The following EBF3 variants were observed in gnomAD, a reference collection of about 807,000 sequenced individuals.
EBF3 encodes the protein transcription factor COE3.
EBF3 carries 18 observed loss-of-function variants against 77.1 expected under a neutral mutation model. That is an observed-to-expected ratio of 0.23 (90% CI 0.16 to 0.35). The LOEUF (loss-of-function observed/expected upper bound fraction) is 0.35, where lower values mean the gene tolerates loss of function less well. Among genes scored for constraint, EBF3 ranks in the 10% least tolerant of loss-of-function variants. The probability of loss-of-function intolerance (pLI) is 1.00; values close to 1 mark genes in which losing one functional copy is unlikely to be tolerated. For synonymous variants in EBF3, 350 were observed against 343.5 expected (o/e 1.02, Z -0.21); for missense variants, 558 against 860.0 (o/e 0.65, Z 4.39).
chr10:129,850,061 A>G (rs1850753942), intron 10 of EBF3, among the ~76,000 whole-genome samples: 1 of 152,262 alleles, frequency 6.6e-6, no homozygotes, highest in African/African-American at 2.4e-5. Context: ...GCCCAGCCTC[A>G]CCAAGCGACT....
At chr10:129,892,371 T>C (rs1854078394) in intron 6 of EBF3, among the ~76,000 whole-genome samples, 2 of 152,224 alleles carry the variant, frequency 1.3e-5, no homozygotes, top group Admixed American at 1.3e-4. Context: ...AATTTCCATA[T>C]AAAACTGTTG....
At chr10:129,930,939 T>C (rs1403851032) in intron 6 of EBF3, among the ~76,000 whole-genome samples, 4 of 150,196 alleles carry the variant, frequency 2.7e-5, no homozygotes, top group African/African-American at 9.8e-5. Flanking sequence ...CATATATCTA[T>C]ATCTATCTTT....
At chr10:129,904,602 GGATA>G (rs762332991) in intron 6 of EBF3, among the ~76,000 whole-genome samples, 14 of 150,798 alleles carry the variant, frequency 9.3e-5, no homozygotes, top group Non-Finnish European at 1.9e-4. Flanking sequence ...ATGGATGGAT[GGATA>G]GACGGATGGC....
chr10:129,899,694 C>G (rs1564870637), intron 6 of EBF3, among the ~76,000 whole-genome samples: 3 of 152,058 alleles, frequency 2.0e-5, no homozygotes, highest in Admixed American at 6.5e-5. Context: ...CTCGCAGAAC[C>G]GGAAAGGACG....
rs556559456 is a variant in EBF3, at chr10:129,906,690, G to A, written c.555-28841C>T. Among the ~76,000 whole-genome samples, 7 of 152,026 alleles carry A rather than the reference G, an allele frequency of 4.6e-5. No individual in the cohort carries two copies. The South Asian group carries it at 6.2e-4, about 14-fold the overall frequency. On this transcript the variant is annotated intron_variant, in intron 6 of 16. Transcript: ENST00000440978. The stretch of plus-strand genomic sequence containing the variant: ...GTGAAAACAAAAACTTGAAAAAAAC[G>A]TCAGGCTAAACCTCAATTGTTTGAT...
At chr10:129,843,112 G>T (rs1850207547) in intron 12 of EBF3, 25 bp downstream of exon 12, 9 of 1,609,410 alleles carry the variant, frequency 5.6e-6, no homozygotes, top group Non-Finnish European at 6.8e-6. Flanking sequence ...GGGAGGATGG[G>T]CGAGGGGAGC....
intron 6 of EBF3, among the ~76,000 whole-genome samples, chr10:129,917,679 A>AAAAAAAAAAAAAAAAAAAAAAAAAAAAAC (rs1564887155): frequency 9.1e-5 from 13 of 142,082 alleles, no homozygotes; most frequent in Non-Finnish European, 1.4e-4. Context: ...AAAAAAAAAA[A>AAAAAAAAAAAAAAAAAAAAAAAAAAAAAC]CTAAAACCAA....
At chr10:129,917,910 T>C (rs1191453426) in intron 6 of EBF3, among the ~76,000 whole-genome samples, 2 of 152,198 alleles carry the variant, frequency 1.3e-5, no homozygotes, top group Admixed American at 6.5e-5. Context: ...AGTAAAATGA[T>C]AATCCTACTG....
chr10:129,838,882 C>T (rs887682982), intron 16 of EBF3, among the ~76,000 whole-genome samples: 1 of 152,246 alleles, frequency 6.6e-6, no homozygotes, highest in Non-Finnish European at 1.5e-5. Context: ...TGCGTACACA[C>T]CGCGTAGGAG....
At chr10:129,896,189 T>C (rs1345524061) in intron 6 of EBF3, among the ~76,000 whole-genome samples, 1 of 152,152 alleles carries the variant, frequency 6.6e-6, no homozygotes, top group Non-Finnish European at 1.5e-5. Flanking sequence ...TTATGATCCA[T>C]CTGAGTTCCC....
intron 10 of EBF3, 65 bp downstream of exon 10, chr10:129,867,076 G>A: frequency 6.4e-7 from 1 of 1,567,584 alleles, no homozygotes; most frequent in Admixed American, 1.9e-5. Context: ...GTGCCCTCAT[G>A]AGCACCTCCT....
intron 9 of EBF3, 142 bp from the exon 10 acceptor site, chr10:129,867,409 C>T: frequency 7.5e-7 from 1 of 1,332,988 alleles, no homozygotes; most frequent in Non-Finnish European, 1.0e-6. Context: ...ACCCAGAGTC[C>T]CGGGACCTAC....
intron 10 of EBF3, among the ~76,000 whole-genome samples, chr10:129,849,353 C>T (rs1240698868): frequency 1.3e-5 from 2 of 152,222 alleles, no homozygotes; most frequent in Non-Finnish European, 2.9e-5. Context: ...AGTCACTCCA[C>T]GGTGCGTGGC....
At chr10:129,850,949 C>T (rs951071051) in intron 10 of EBF3, among the ~76,000 whole-genome samples, 1 of 152,328 alleles carries the variant, frequency 6.6e-6, no homozygotes, top group African/African-American at 2.4e-5. Context: ...GCCCTCCGCA[C>T]GCAGAGTTTA....
Position 129,842,044 on chromosome 10 carries a change from C to T in EBF3, c.1372+72G>A. Reference sequence around the variant, plus strand: ...TCCCCAGCTGGCCCTGGACACGTGCCTCTTCAGCTAAGGCCTCAACCAACC... The same window carrying T: ...TCCCCAGCTGGCCCTGGACACGTGCTTCTTCAGCTAAGGCCTCAACCAACC... On this transcript the variant is annotated intron_variant, in intron 13 of 16. Transcript: ENST00000440978. The surrounding 1 kb of genome is among the most constrained non-coding windows in gnomAD (Gnocchi z 4.4). 6.3e-7 allele frequency: 1 copy of T among 1,595,654 alleles called. No individual in the cohort carries two copies. Among genetic ancestry groups the T allele is most frequent in the Non-Finnish European group, 8.6e-7 (1 of 1,166,994 alleles).
chr10:129,854,601 G>T (rs185832875), intron 10 of EBF3, among the ~76,000 whole-genome samples: 1 of 152,156 alleles, frequency 6.6e-6, no homozygotes, highest in African/African-American at 2.4e-5. Context: ...GAATGAAATC[G>T]GTTCCCTCTG....
rs571895863 is a variant in EBF3 at position 129,877,661 on chromosome 10, G to C, written c.636+107C>G. 78 of 896,070 alleles carry C rather than the reference G, an allele frequency of 8.7e-5. 1 individual carries two copies. The South Asian group carries it at 1.2e-3, about 14-fold the overall frequency. The allele number at this position is 896,070 out of a possible 1,614,324, so 55.5% of individuals were successfully genotyped here. The stretch of plus-strand genomic sequence containing the variant: ...TGCACCAATTCCAGTTTGCTTCCAA[G>C]CCCTTAAAGAACTCAAGATTACTTC... On this transcript the variant is annotated intron_variant, in intron 7 of 16. Transcript: ENST00000440978.
chr10:129,964,034 T>G lies in EBF3; in HGVS notation c.-266A>C, dbSNP rs1333708256. Reference sequence around the variant, plus strand: ...AGGACGCGGTGGCCGCGGCGGCGCTTGTTGTTGTTGTTGTTTGCAGGCGCG... The same window carrying G: ...AGGACGCGGTGGCCGCGGCGGCGCTGGTTGTTGTTGTTGTTTGCAGGCGCG... On this transcript the variant is annotated 5_prime_UTR_variant, in exon 1 of 17. Coordinates refer to ENST00000440978, the MANE Select transcript of EBF3 (RefSeq NM_001375380.1). The surrounding 1 kb of genome is among the most constrained non-coding windows in gnomAD (Gnocchi z 4.5). 11 of 984,366 alleles carry G rather than the reference T, an allele frequency of 1.1e-5. No individual in the cohort carries two copies. Among genetic ancestry groups the G allele is most frequent in the Non-Finnish European group, 1.3e-5 (11 of 829,470 alleles). 61.0% of individuals were successfully genotyped at this position (984,366 alleles called of 1,614,324 possible). A position where few individuals can be genotyped will look rare whatever the true frequency, so the allele number is the denominator to read the frequency against.
Position 129,842,305 on chromosome 10 carries a change from G to A in EBF3, c.1195-12C>T. 6.4e-7 allele frequency: 1 copy of A among 1,567,080 alleles called. No homozygotes were observed. Among genetic ancestry groups the A allele is most frequent in the Middle Eastern group, 1.8e-4 (1 of 5,452 alleles). On this transcript the variant is annotated splice_polypyrimidine_tract_variant and intron_variant, in intron 12 of 16. Coordinates refer to ENST00000440978, the MANE Select transcript of EBF3 (RefSeq NM_001375380.1). This position sits in a 1 kb window ranked among gnomAD's most constrained non-coding sequence, Gnocchi z 4.4. ...TTCAAGATGATCTCCTGCAGCAGGA[G>A]CAAGTGGGAGCCGGCCTGTCACCCC...
Sources: allele counts gnomAD v4.1 joint callset (sites outside exome capture counted in the v4.1 genomes callset), GRCh38; gene constraint gnomAD v4.1.1; non-coding constraint Gnocchi (gnomAD v3.1); transcripts MANE v1.5; gene names NCBI Gene and HGNC (gene_info 2026-07-23, HGNC 2026-07-21).